Variants in SLFN11 observed in about 807,000 individuals in gnomAD.
SLFN11 encodes schlafen family member 11.
SLFN11 carries 43 observed loss-of-function variants against 53.4 expected under a neutral mutation model. The observed-to-expected ratio is 0.80, with a 90% CI of 0.63 to 1.04. The LOEUF is 1.04. SLFN11 is among the 50% of genes least tolerant of loss of function. The pLI is 0.00. For synonymous variants in SLFN11, 389 were observed against 394.7 expected (o/e 0.99, Z 0.17); for missense variants, 990 against 1,079.1 (o/e 0.92, Z 1.16).
intron 2 of SLFN11, 168 bp downstream of exon 2, chr17:35,367,435 T>G (rs1476460908): frequency 1.3e-5 from 2 of 152,178 alleles, no homozygotes; most frequent in Non-Finnish European, 2.9e-5. Flanking sequence ...CTTGCACATT[T>G]TTTGTAAGGT....
chr17:35,366,613 C>T (rs1201162591), intron 3 of SLFN11, among the ~76,000 whole-genome samples: 1 of 151,996 alleles, frequency 6.6e-6, no homozygotes, highest in Non-Finnish European at 1.5e-5. Context: ...CTATCACAGC[C>T]TTATTTTCCT....
rs61566848 is a variant in SLFN11 at position 35,356,797 on chromosome 17, TACACACAC to T, written c.1199-2746_1199-2739del. 3.8e-3 allele frequency among the ~76,000 whole-genome samples: 533 copies of T among 140,186 alleles called. 4 individuals are homozygous for T. Among genetic ancestry groups the T allele is most frequent in the African/African-American group, 0.013 (489 of 38,170 alleles). The allele number at this position is 140,186 out of a possible 152,430, so 92.0% of individuals were successfully genotyped here. On this transcript the variant is annotated intron_variant, in intron 5 of 6. Coordinates refer to ENST00000685675, the MANE Select transcript of SLFN11 (RefSeq NM_001376007.1). ...GGTGTGTATGTAAGCATATGTAGCATACACACACACACACACACACACACACACACACA... is the reference window on the plus strand; with the variant it reads ...GGTGTGTATGTAAGCATATGTAGCATACACACACACACACACACACACACA...
At position 35,363,442 on chromosome 17, in the gene SLFN11, C is replaced by T. The variant is rs759517449; in HGVS notation, c.366G>A (p.Lys122=). 1.9e-6 allele frequency: 3 copies of T among 1,613,918 alleles called. No individual in the cohort carries two copies. The highest frequency in any genetic ancestry group is 1.1e-5 in the South Asian group (1 of 91,078). ...SGPFPEDRSV[K]PRLCSLSSSL... is the part of the protein sequence containing the mutation. ...AAGAACTGAGGCTGCAAAGGCGGGGCTTGACAGAGCGATCTTCAGGGAAAG... is the reference window on the plus strand; with the variant it reads ...AAGAACTGAGGCTGCAAAGGCGGGGTTTGACAGAGCGATCTTCAGGGAAAG... The change falls in exon 4 of 7, where the codon AAG becomes AAA. Residue 122 remains lysine (K), a synonymous_variant. Transcript: ENST00000685675.
At chr17:35,365,731 T>C (rs1474156554) in intron 3 of SLFN11, among the ~76,000 whole-genome samples, 1 of 152,040 alleles carries the variant, frequency 6.6e-6, no homozygotes, top group Non-Finnish European at 1.5e-5. Flanking sequence ...AATCATATCT[T>C]CAAGTATAAA....
At chr17:35,357,507 T>C (rs1180704813) in intron 5 of SLFN11, among the ~76,000 whole-genome samples, 1 of 151,508 alleles carries the variant, frequency 6.6e-6, no homozygotes, top group Non-Finnish European at 1.5e-5. Flanking sequence ...AAGTAAAGTA[T>C]GAGTTCATCT....
chr17:35,363,752 A>T lies in SLFN11; in HGVS notation c.56T>A (p.Ile19Asn). Reference sequence around the variant, plus strand: ...TCCAAGAGTCACTTCTCCTACATTGATGACCAGGTCTGGGTAAGATGGTTC... The same window carrying T: ...TCCAAGAGTCACTTCTCCTACATTGTTGACCAGGTCTGGGTAAGATGGTTC... ...VVEPSYPDLV[I>N]NVGEVTLGEE... Residue 19 changes from isoleucine to asparagine, a missense_variant, in exon 4 of 7, where the codon ATC (isoleucine) becomes AAC (asparagine). By Grantham distance (149) the Ile-to-Asn change is moderately radical (BLOSUM62 -3). Around this residue, in one of 3 missense-constraint regions of SLFN11, gnomAD observed 521 missense variants for 516.2 expected, o/e 1.01. Coordinates refer to ENST00000685675, the MANE Select transcript of SLFN11 (RefSeq NM_001376007.1). The T allele has an allele frequency of 6.2e-7, 1 of 1,611,988 alleles. No homozygotes were observed. The highest frequency in any genetic ancestry group is 8.5e-7 in the Non-Finnish European group (1 of 1,178,886).
chr17:35,358,412 C>G (rs182459139), intron 5 of SLFN11, among the ~76,000 whole-genome samples: 1 of 151,584 alleles, frequency 6.6e-6, no homozygotes, highest in Non-Finnish European at 1.5e-5. Context: ...ATTTCTTTCT[C>G]TTATCTAACT....
At position 35,353,961 on chromosome 17, in the gene SLFN11, GT is replaced by G. The variant is rs1567817511; in HGVS notation, c.1296del (p.Gln432HisfsTer8). Reference sequence around the variant, plus strand: ...AAGATCAAAATTCCCCGAAAGAAAGGTTGCATTTGCTTATTTATTAACTCCT... The same window carrying G: ...AAGATCAAAATTCCCCGAAAGAAAGGTGCATTTGCTTATTTATTAACTCCT... ...GLEELINKQM[Q>X]PFFRGILIFS... On this transcript the variant is annotated frameshift_variant, in exon 6 of 7. Coordinates refer to ENST00000685675, the MANE Select transcript of SLFN11 (RefSeq NM_001376007.1). LOFTEE classifies it high-confidence loss of function. 1 of 1,613,966 alleles carries G rather than the reference GT, an allele frequency of 6.2e-7. No individual in the cohort carries two copies.
At chr17:35,354,202 G>A in intron 5 of SLFN11, 143 bp from the exon 6 acceptor site, 1 of 634,150 alleles carries the variant, frequency 1.6e-6, no homozygotes, top group Non-Finnish European at 2.2e-6. Context: ...TTATATTATA[G>A]TTATAAAGGA....
intron 3 of SLFN11, among the ~76,000 whole-genome samples, chr17:35,364,373 A>C (rs1477275379): frequency 6.6e-6 from 1 of 152,138 alleles, no homozygotes; most frequent in Non-Finnish European, 1.5e-5. Flanking sequence ...GAACAAAGTC[A>C]CCTGCACAGA....
chr17:35,371,502 A>G (rs1198723680), intron 1 of SLFN11, among the ~76,000 whole-genome samples: 1 of 152,184 alleles, frequency 6.6e-6, no homozygotes, highest in African/African-American at 2.4e-5. Context: ...GCTTCTGCAC[A>G]GCAAAGAACG....
At chr17:35,357,027 C>G (rs1486094902) in intron 5 of SLFN11, among the ~76,000 whole-genome samples, 1 of 151,886 alleles carries the variant, frequency 6.6e-6, no homozygotes, top group Non-Finnish European at 1.5e-5. Flanking sequence ...GGAAATAATT[C>G]TCCTTTTAAT....
chr17:35,361,217 G>C (rs1237226492), intron 4 of SLFN11, among the ~76,000 whole-genome samples: 2 of 151,974 alleles, frequency 1.3e-5, no homozygotes, highest in African/African-American at 4.8e-5. Context: ...AGCATGATGG[G>C]GTAAATATAG....
rs984640532 is a variant in SLFN11 at position 35,366,505 on chromosome 17, A to T, written c.-20+442T>A. ...CAGTCAACAAATACCTTGCATCATT[A>T]TTGGAAAATTATTAAAATAAAATAA... On this transcript the variant is annotated intron_variant, in intron 3 of 6. Coordinates refer to ENST00000685675, the MANE Select transcript of SLFN11 (RefSeq NM_001376007.1). Among the ~76,000 whole-genome samples the T allele has an allele frequency of 2.0e-5, 3 of 152,262 alleles. No individual in the cohort carries two copies. The South Asian group carries it at 6.2e-4, about 32-fold the overall frequency.
At chr17:35,356,105 G>A (rs924289273) in intron 5 of SLFN11, among the ~76,000 whole-genome samples, 1 of 151,622 alleles carries the variant, frequency 6.6e-6, no homozygotes, top group Non-Finnish European at 1.5e-5. Flanking sequence ...ACTATCTTTA[G>A]TACCAGTAAC....
chr17:35,368,203 C>A (rs1358855486), intron 1 of SLFN11, among the ~76,000 whole-genome samples: 2 of 152,052 alleles, frequency 1.3e-5, no homozygotes, highest in African/African-American at 4.8e-5. Flanking sequence ...GATTGGCTAG[C>A]CTCAGATAGA....
Position 35,362,922 on chromosome 17 carries a change from T to A in SLFN11, c.886A>T (p.Thr296Ser), listed in dbSNP as rs998536390. 6.2e-7 allele frequency: 1 copy of A among 1,613,862 alleles called. No individual in the cohort carries two copies. The highest frequency in any genetic ancestry group is 1.3e-5 in the African/African-American group (1 of 75,034). Residue 296 changes from threonine (T) to serine (S), a missense_variant, in exon 4 of 7, where the codon ACA (threonine) becomes TCA (serine). Thr to Ser is a moderately conservative substitution (Grantham distance 58). Around this residue, in one of 3 missense-constraint regions of SLFN11, gnomAD observed 521 missense variants for 516.2 expected, o/e 1.01. Coordinates refer to ENST00000685675, the MANE Select transcript of SLFN11 (RefSeq NM_001376007.1). ...FCQPQRPITF[T>S]LKIVNVLKRG... is the part of the protein sequence containing the mutation. ...TTTAACACATTCACAATTTTGAGTG[T>A]GAAGGTTATCGGGCGTTGGGGTTGG...
At chr17:35,367,293 T>C (rs1354545866) in intron 2 of SLFN11, 2 of 152,140 alleles carry the variant, frequency 1.3e-5, no homozygotes, top group Non-Finnish European at 2.9e-5. Context: ...CAATAGATTA[T>C]AGTTTTTGGT....
intron 5 of SLFN11, among the ~76,000 whole-genome samples, chr17:35,355,399 C>A (rs923370148): frequency 6.6e-6 from 1 of 151,754 alleles, no homozygotes; most frequent in Non-Finnish European, 1.5e-5. Flanking sequence ...GATACTGTCT[C>A]AAAAAATAAA....
Sources: gnomAD v4.1 joint callset for allele counts (sites outside exome capture counted in the v4.1 genomes callset) on GRCh38, gnomAD v4.1.1 for gene constraint, gnomAD v4.1.1 regional missense constraint, MANE v1.5 for transcripts, NCBI Gene and HGNC (gene_info 2026-07-23, HGNC 2026-07-21) for gene names.